Variants in RYR2 observed in about 807,000 individuals in gnomAD.
RYR2 encodes ryanodine receptor 2.
Under a neutral mutation model 601.1 loss-of-function variants are expected in RYR2, and 227 were observed. That is an observed-to-expected ratio of 0.38 (90% CI 0.34 to 0.42). RYR2 has a LOEUF of 0.42. Ranked by LOEUF, RYR2 falls within the 10% of genes least tolerant of loss-of-function variation. The pLI, the probability that RYR2 is intolerant of heterozygous loss-of-function variation, is 1.00. For missense variants in RYR2, 4,646 were observed against 6,156.5 expected (o/e 0.75, Z 8.21); for synonymous variants, 2,223 against 2,175.1 (o/e 1.02, Z -0.61).
intron 1 of RYR2, among the ~76,000 whole-genome samples, chr1:237,161,962 A>G (rs931387873): frequency 2.0e-4 from 31 of 152,144 alleles, no homozygotes; most frequent in Non-Finnish European, 1.6e-4. Flanking sequence ...AGCACCTGTT[A>G]TGTGTTAGAA....
chr1:237,442,528 G>T (rs1434487074), intron 13 of RYR2, among the ~76,000 whole-genome samples: 1 of 152,014 alleles, frequency 6.6e-6, no homozygotes, highest in East Asian at 1.9e-4. Flanking sequence ...TTACATCATT[G>T]ACTATCCTGT....
At chr1:237,791,790 C>T (rs1472277375) in intron 93 of RYR2, 4 of 555,950 alleles carry the variant, frequency 7.2e-6, no homozygotes, top group Non-Finnish European at 1.3e-5. Flanking sequence ...TTATTTGTGA[C>T]TATGCCTGGG....
intron 29 of RYR2, among the ~76,000 whole-genome samples, chr1:237,572,334 A>C (rs958613208): frequency 6.6e-6 from 1 of 152,140 alleles, no homozygotes; most frequent in Non-Finnish European, 1.5e-5. Context: ...AAAAATTTAA[A>C]TGCATGTGTG....
intron 14 of RYR2, 132 bp from the exon 15 acceptor site, chr1:237,454,259 G>A: frequency 1.2e-6 from 1 of 841,944 alleles, no homozygotes; most frequent in Non-Finnish European, 1.8e-6. Context: ...TTTTGGAGCA[G>A]GAGGACCTTT....
At chr1:237,121,848 T>A (rs1670818735) in intron 1 of RYR2, among the ~76,000 whole-genome samples, 1 of 152,188 alleles carries the variant, frequency 6.6e-6, no homozygotes, top group Non-Finnish European at 1.5e-5. Context: ...TATAAAAATT[T>A]AGATGTGGTG....
At chr1:237,270,760 C>G in intron 2 of RYR2, 144 bp downstream of exon 2, 1 of 956,302 alleles carries the variant, frequency 1.0e-6, no homozygotes, top group Non-Finnish European at 1.5e-6. Context: ...CTCCATTTTG[C>G]TGATTTTTAA....
intron 2 of RYR2, among the ~76,000 whole-genome samples, chr1:237,329,680 A>G (rs1038164567): frequency 1.3e-5 from 2 of 152,056 alleles, no homozygotes; most frequent in African/African-American, 4.8e-5. Context: ...ATATGTTAAT[A>G]TATGGGAAGG....
In RYR2 at chr1:237,152,657, C is replaced by T. The variant is rs1433556505; in HGVS notation, c.48+110088C>T. 5.3e-5 allele frequency among the ~76,000 whole-genome samples: 8 copies of T among 152,012 alleles called. No homozygotes were observed. In the East Asian group the frequency reaches 1.5e-3, roughly 29 times the overall value. Reference sequence around the variant, plus strand: ...TGGCTGCATGAAACAAAAATTAACTCAAGATGGATTAAAGACTTAAATGTA... The same window carrying T: ...TGGCTGCATGAAACAAAAATTAACTTAAGATGGATTAAAGACTTAAATGTA... On this transcript the variant is annotated intron_variant, in intron 1 of 104. Coordinates refer to ENST00000366574, the MANE Select transcript of RYR2 (RefSeq NM_001035.3).
chr1:237,211,330 A>G (rs1037775928), intron 1 of RYR2, among the ~76,000 whole-genome samples: 5 of 152,352 alleles, frequency 3.3e-5, no homozygotes, highest in Admixed American at 1.3e-4. Context: ...CTCTGCAGTG[A>G]TGGTACAGAG....
chr1:237,103,972 G>A (rs1457317501), intron 1 of RYR2, among the ~76,000 whole-genome samples: 2 of 148,682 alleles, frequency 1.3e-5, no homozygotes, highest in Admixed American at 1.3e-4. Flanking sequence ...TCTCTCTGTG[G>A]TCACCATGCC....
chr1:237,510,698 AT>A (rs1366692613), intron 23 of RYR2, among the ~76,000 whole-genome samples: 2 of 152,178 alleles, frequency 1.3e-5, no homozygotes, highest in Admixed American at 1.3e-4. Flanking sequence ...TCATGAACTA[AT>A]TTGTTCCCTG....
intron 1 of RYR2, among the ~76,000 whole-genome samples, chr1:237,203,976 T>C (rs1281640708): frequency 1.3e-5 from 2 of 152,184 alleles, no homozygotes; most frequent in African/African-American, 2.4e-5. Flanking sequence ...GCTTCTTTCA[T>C]TGAAGTTACT....
chr1:237,454,650 A>T, intron 15 of RYR2, 76 bp downstream of exon 15: 1 of 1,466,934 alleles, frequency 6.8e-7, no homozygotes, highest in Non-Finnish European at 9.4e-7. Context: ...AAAATTTTCC[A>T]TCTATTTTGA....
chr1:237,569,320 G>C lies in RYR2; in HGVS notation c.3598+1G>C. On this transcript the variant is annotated splice_donor_variant, in intron 29 of 104. Coordinates refer to ENST00000366574, the MANE Select transcript of RYR2 (RefSeq NM_001035.3). LOFTEE classifies it high-confidence loss of function. ...TTCAAGGACTTTGATGTTGGCGATG[G>C]TAAGTCTACTATGTTTTGTGTTTTT... 6.2e-7 allele frequency: 1 copy of C among 1,613,188 alleles called. No individual in the cohort carries two copies. Among genetic ancestry groups the C allele is most frequent in the Non-Finnish European group, 8.5e-7 (1 of 1,179,530 alleles).
intron 1 of RYR2, among the ~76,000 whole-genome samples, chr1:237,155,866 A>G (rs763672017): frequency 4.6e-5 from 7 of 152,004 alleles, no homozygotes; most frequent in Non-Finnish European, 5.9e-5. Context: ...AAGTGATCTC[A>G]TTGTTCAACC....
chr1:237,421,819 G>T (rs1005521012), intron 11 of RYR2, among the ~76,000 whole-genome samples: 2 of 151,924 alleles, frequency 1.3e-5, no homozygotes, highest in Non-Finnish European at 2.9e-5. Flanking sequence ...GCTTGTTGTT[G>T]ACATATGAAG....
At chr1:237,472,991 G>C (rs10754605) in intron 17 of RYR2, among the ~76,000 whole-genome samples, 69,889 of 151,502 alleles carry the variant, frequency 0.46, 17,909 homozygotes, top group East Asian at 0.71. Flanking sequence ...TTTCCACCTT[G>C]CTTTTACTTT....
chr1:237,295,093 G>C (rs114806079), intron 2 of RYR2, among the ~76,000 whole-genome samples: 46 of 152,216 alleles, frequency 3.0e-4, no homozygotes, highest in African/African-American at 1.1e-3. Context: ...GTGTGTGCCT[G>C]TAGTCCTAGT....
chr1:237,698,897 A>C, intron 63 of RYR2, 68 bp from the exon 64 acceptor site: 3 of 830,234 alleles, frequency 3.6e-6, no homozygotes, highest in Non-Finnish European at 5.8e-6. Context: ...TAGCACAAAT[A>C]TTGGTAGAAA....
Sources: allele counts gnomAD v4.1 joint callset (sites outside exome capture counted in the v4.1 genomes callset), GRCh38; gene constraint gnomAD v4.1.1; transcripts MANE v1.5; gene names NCBI Gene and HGNC (gene_info 2026-07-23, HGNC 2026-07-21).